KDM2A: variants seen among roughly 807,000 people sequenced by gnomAD.
KDM2A encodes the protein lysine demethylase 2A, also known as lysine-specific demethylase 2A.
In KDM2A, 3 loss-of-function variants were observed where a neutral mutation model predicts 137.3. The ratio of observed to expected loss-of-function variants is 0.02; its 90% confidence interval spans 0.01 to 0.06. KDM2A has a LOEUF of 0.06. KDM2A is among the 10% of genes least tolerant of loss of function. The pLI, the probability that KDM2A is intolerant of heterozygous loss-of-function variation, is 1.00. For synonymous variants in KDM2A, 512 were observed against 541.5 expected (o/e 0.95, Z 0.76); for missense variants, 738 against 1,510.6 (o/e 0.49, Z 8.48).
chr11:67,215,195 G>C, intron 6 of KDM2A, 145 bp from the exon 7 acceptor site: 1 of 517,402 alleles, frequency 1.9e-6, no homozygotes. Flanking sequence ...CCTAAGATTC[G>C]CCAACAGATT....
At chr11:67,137,990 G>T (rs915933707) in intron 2 of KDM2A, among the ~76,000 whole-genome samples, 6 of 152,110 alleles carry the variant, frequency 3.9e-5, no homozygotes, top group South Asian at 2.1e-4. Flanking sequence ...TAGAGACGGG[G>T]TTTCACCATG....
chr11:67,148,006 C>T (rs186962491), intron 2 of KDM2A, among the ~76,000 whole-genome samples: 79 of 152,058 alleles, frequency 5.2e-4, no homozygotes, highest in Non-Finnish European at 6.5e-4. Flanking sequence ...GCAAATGTCT[C>T]TAGCTGATCA....
chr11:67,201,772 CAAAAAAAAAAA>C lies in KDM2A; in HGVS notation c.308-5715_308-5705del, dbSNP rs71056184. 1.6e-3 allele frequency among the ~76,000 whole-genome samples: 62 copies of C among 37,824 alleles called. 1 individual carries two copies. Among genetic ancestry groups the C allele is most frequent in the Admixed American group, 4.2e-3 (9 of 2,130 alleles). The allele number at this position is 37,824 out of a possible 152,430, so 24.8% of individuals were successfully genotyped here. Reference sequence around the variant, plus strand: ...TAGGCAACAGAGCTAGACTCCATCTCAAAAAAAAAAAAAAAAAAAAAAAAAAAAAAAAATTA... The same window carrying C: ...TAGGCAACAGAGCTAGACTCCATCTCAAAAAAAAAAAAAAAAAAAAAATTA... On this transcript the variant is annotated intron_variant, in intron 5 of 20. Transcript: ENST00000529006.
chr11:67,204,550 G>C (rs1346649600), intron 5 of KDM2A, among the ~76,000 whole-genome samples: 1 of 150,236 alleles, frequency 6.7e-6, no homozygotes, highest in East Asian at 2.0e-4. Context: ...GGAGTGCAGT[G>C]GTGTGATCTC....
intron 2 of KDM2A, among the ~76,000 whole-genome samples, chr11:67,161,629 A>T (rs1360188403): frequency 6.6e-6 from 1 of 152,188 alleles, no homozygotes; most frequent in East Asian, 1.9e-4. Flanking sequence ...GTTGTGACCT[A>T]AATTGATTTT....
chr11:67,142,553 G>GC (rs1179362558), intron 2 of KDM2A, among the ~76,000 whole-genome samples: 1 of 143,286 alleles, frequency 7.0e-6, no homozygotes, highest in African/African-American at 2.5e-5. Flanking sequence ...GGTGAAGTTG[G>GC]CCGGGGGGTT....
At chr11:67,226,290 G>C (rs894255631) in intron 10 of KDM2A, among the ~76,000 whole-genome samples, 5 of 151,970 alleles carry the variant, frequency 3.3e-5, no homozygotes, top group African/African-American at 1.2e-4. Flanking sequence ...TTCATGAACA[G>C]TTGTTGGCCA....
In KDM2A at chr11:67,257,560, C is replaced by T. The variant is rs975993056; in HGVS notation, c.*2505C>T. On this transcript the variant is annotated 3_prime_UTR_variant, in exon 21 of 21. Transcript: ENST00000529006. ...GCCTCCATCTTTCCAAGCACCGGGG[C>T]GAAAAACCACAAAGGAAAGGAAGAA... 6.6e-6 allele frequency: 1 copy of T among 150,874 alleles called. No individual in the cohort carries two copies. Among genetic ancestry groups the T allele is most frequent in the Non-Finnish European group, 1.5e-5 (1 of 67,740 alleles). The allele number at this position is 150,874 out of a possible 1,614,324, so 9.3% of individuals were successfully genotyped here. A position where few individuals can be genotyped will look rare whatever the true frequency, so the allele number is the denominator to read the frequency against.
intron 10 of KDM2A, among the ~76,000 whole-genome samples, chr11:67,225,199 A>G (rs1463841845): frequency 1.3e-5 from 2 of 152,210 alleles, no homozygotes; most frequent in Non-Finnish European, 1.5e-5. Context: ...TCACTCTAGT[A>G]TACTGACTTT....
chr11:67,256,647 G>A lies in KDM2A; in HGVS notation c.*1592G>A, dbSNP rs1565430879. On this transcript the variant is annotated 3_prime_UTR_variant, in exon 21 of 21. Transcript: ENST00000529006. ...AGGGAATGGAGCCCAGGCACCAGGG[G>A]TCTAAAGTGTGAGCCACTGAGAAGA... The A allele has an allele frequency of 6.5e-6, 1 of 152,698 alleles. No individual in the cohort carries two copies. The allele number at this position is 152,698 out of a possible 1,614,324, so 9.5% of individuals were successfully genotyped here.
chr11:67,248,710 G>A (rs1219614999), intron 16 of KDM2A: 1 of 219,784 alleles, frequency 4.5e-6, no homozygotes, highest in Non-Finnish European at 9.2e-6. Flanking sequence ...ATGTTAACTA[G>A]AGGAGAGGCA....
Position 67,254,736 on chromosome 11 carries a change from C to T in KDM2A, c.3308-138C>T. The T allele has an allele frequency of 1.3e-6, 1 of 776,946 alleles. No individual in the cohort carries two copies. Among genetic ancestry groups the T allele is most frequent in the Non-Finnish European group, 2.1e-6 (1 of 483,214 alleles). The allele number at this position is 776,946 out of a possible 1,614,324, so 48.1% of individuals were successfully genotyped here. A position where few individuals can be genotyped will look rare whatever the true frequency, so the allele number is the denominator to read the frequency against. ...CCCTTTGGAGGTGCTGATGGCACTT[C>T]TGGTCTCTGAGCCAGGTAGTTGTGG... On this transcript the variant is annotated intron_variant, in intron 20 of 20. Coordinates refer to ENST00000529006, the MANE Select transcript of KDM2A (RefSeq NM_012308.3). The surrounding 1 kb of genome is among the most constrained non-coding windows in gnomAD (Gnocchi z 4.7).
In KDM2A at chr11:67,203,303, G is replaced by A. The variant is rs968416535; in HGVS notation, c.308-4207G>A. 1.3e-4 allele frequency among the ~76,000 whole-genome samples: 19 copies of A among 151,682 alleles called. 1 individual carries two copies. The highest frequency in any genetic ancestry group is 4.1e-4 in the African/African-American group (17 of 41,438). Reference sequence around the variant, plus strand: ...ATGCACTGTGAAACCAAAAAGTTTTGTATGACTTGCTTACTGGAATAGTTG... The same window carrying A: ...ATGCACTGTGAAACCAAAAAGTTTTATATGACTTGCTTACTGGAATAGTTG... On this transcript the variant is annotated intron_variant, in intron 5 of 20. Transcript: ENST00000529006.
chr11:67,124,243 A>G (rs183616519), intron 2 of KDM2A, among the ~76,000 whole-genome samples: 36 of 152,226 alleles, frequency 2.4e-4, no homozygotes, highest in African/African-American at 7.7e-4. Context: ...ACCTCAGATG[A>G]TCCACCCACA....
At chr11:67,184,358 G>A (rs1289543615) in intron 5 of KDM2A, among the ~76,000 whole-genome samples, 3 of 151,888 alleles carry the variant, frequency 2.0e-5, no homozygotes, top group Admixed American at 6.6e-5. Context: ...GGCCGGGTGC[G>A]GTGGTTGACG....
At chr11:67,248,220 T>C in intron 15 of KDM2A, 61 bp from the exon 16 acceptor site, 1 of 1,198,230 alleles carries the variant, frequency 8.3e-7, no homozygotes, top group Non-Finnish European at 1.2e-6. Context: ...CCAACTGTGT[T>C]ATTGTTGGAT....
At chr11:67,201,455 CAT>C (rs972400450) in intron 5 of KDM2A, among the ~76,000 whole-genome samples, 4 of 151,644 alleles carry the variant, frequency 2.6e-5, no homozygotes, top group African/African-American at 9.7e-5. Flanking sequence ...GCCTGGGAAA[CAT>C]AGTGAGACCA....
intron 2 of KDM2A, among the ~76,000 whole-genome samples, chr11:67,163,728 T>G (rs1856685014): frequency 6.6e-6 from 1 of 151,990 alleles, no homozygotes; most frequent in Non-Finnish European, 1.5e-5. Flanking sequence ...TGGTGGTGCG[T>G]ACCTGTAATC....
At chr11:67,125,644 T>C (rs535763088) in intron 2 of KDM2A, among the ~76,000 whole-genome samples, 4 of 151,706 alleles carry the variant, frequency 2.6e-5, no homozygotes, top group African/African-American at 9.7e-5. Flanking sequence ...CTGGGGGTGG[T>C]GGTGCGTGCC....
Sources: gnomAD v4.1 joint callset for allele counts (sites outside exome capture counted in the v4.1 genomes callset) on GRCh38, gnomAD v4.1.1 for gene constraint, Gnocchi (gnomAD v3.1) non-coding constraint, MANE v1.5 for transcripts, NCBI Gene and HGNC (gene_info 2026-07-23, HGNC 2026-07-21) for gene names.